The following EFCAB5 variants were observed in gnomAD, a reference collection of about 807,000 sequenced individuals.
EFCAB5 encodes the protein EF-hand calcium binding domain 5.
A neutral mutation model predicts 167.9 loss-of-function variants in EFCAB5; 131 were observed. The ratio of observed to expected loss-of-function variants is 0.78; its 90% confidence interval spans 0.68 to 0.90. EFCAB5 has a LOEUF of 0.90. Ranked by LOEUF, EFCAB5 falls within the 40% of genes least tolerant of loss-of-function variation. The pLI, the probability that EFCAB5 is intolerant of heterozygous loss-of-function variation, is 0.00. For synonymous variants in EFCAB5, 574 were observed against 602.8 expected (o/e 0.95, Z 0.70); for missense variants, 1,663 against 1,745.2 (o/e 0.95, Z 0.84).
intron 19 of EFCAB5, among the ~76,000 whole-genome samples, chr17:30,088,632 A>G (rs1187450094): frequency 6.6e-6 from 1 of 152,216 alleles, no homozygotes; most frequent in African/African-American, 2.4e-5. Flanking sequence ...TCACTTGTCA[A>G]ATGCAAGGAA....
In EFCAB5 at chr17:29,929,965, G is replaced by A. The variant is rs778750653; in HGVS notation, c.-127+636G>A. The A allele has an allele frequency of 3.1e-6, 5 of 1,603,756 alleles. No individual in the cohort carries two copies. The East Asian group carries it at 1.1e-4, about 36-fold the overall frequency. On this transcript the variant is annotated intron_variant, in intron 1 of 3. Transcript: ENST00000448319. Reference sequence around the variant, plus strand: ...AGGCGCAGGGGCTGGAGGTGGTGCTGGGGGTAGGTGACCGCTGGACCGTGA... The same window carrying A: ...AGGCGCAGGGGCTGGAGGTGGTGCTAGGGGTAGGTGACCGCTGGACCGTGA...
At chr17:30,100,746 G>A (rs1366505347) in intron 22 of EFCAB5, among the ~76,000 whole-genome samples, 1 of 148,694 alleles carries the variant, frequency 6.7e-6, no homozygotes, top group Non-Finnish European at 1.5e-5. Context: ...CAACCTAGGC[G>A]ACAGAGTGAG....
chr17:30,084,605 G>A (rs1475848690), intron 18 of EFCAB5, among the ~76,000 whole-genome samples: 2 of 152,242 alleles, frequency 1.3e-5, no homozygotes, highest in South Asian at 2.1e-4. Context: ...TCATGGTGGG[G>A]CAGAGACCAG....
At chr17:30,029,334 T>A (rs982789995) in intron 7 of EFCAB5, among the ~76,000 whole-genome samples, 1 of 152,220 alleles carries the variant, frequency 6.6e-6, no homozygotes, top group South Asian at 2.1e-4. Context: ...AGAACACTTA[T>A]ATTAGCCTAC....
In EFCAB5 at chr17:30,034,314, C is replaced by T. The variant is rs370396201; in HGVS notation, c.1129C>T (p.Arg377Trp). Residue 377 changes from arginine (R) to tryptophan (W), a missense_variant, in exon 8 of 23, where the codon CGG becomes TGG. Physicochemically the swap from Arg to Trp is moderately radical, Grantham distance 101. Transcript: ENST00000394835. Reference sequence around the variant, plus strand: ...CCTTTGCCACTCTGCAGATGAATTTCGGGAGGTCATAAAAGCTGACATGCG... The same window carrying T: ...CCTTTGCCACTCTGCAGATGAATTTTGGGAGGTCATAAAAGCTGACATGCG... Reference protein sequence around the residue: ...KHLCHSADEFREVIKADMRRQ... With the variant: ...KHLCHSADEFWEVIKADMRRQ... The T allele has an allele frequency of 6.8e-6, 11 of 1,613,702 alleles. No individual in the cohort carries two copies. Among genetic ancestry groups the T allele is most frequent in the African/African-American group, 6.7e-5 (5 of 74,924 alleles).
chr17:30,064,980 A>G (rs1040189209), intron 14 of EFCAB5, among the ~76,000 whole-genome samples: 3 of 152,254 alleles, frequency 2.0e-5, no homozygotes, highest in African/African-American at 7.2e-5. Flanking sequence ...TCCTTCAGAA[A>G]TGAGAGAACA....
At position 30,055,930 on chromosome 17, in the gene EFCAB5, C is replaced by T; in HGVS notation, c.2237C>T (p.Pro746Leu). 6.2e-7 allele frequency: 1 copy of T among 1,613,514 alleles called. No homozygotes were observed. The highest frequency in any genetic ancestry group is 8.5e-7 in the Non-Finnish European group (1 of 1,179,730). Residue 746 changes from proline (P) to leucine (L), a missense_variant, in exon 11 of 23, where the codon CCC becomes CTC. Pro to Leu is a moderately conservative substitution (Grantham distance 98). Coordinates refer to ENST00000394835, the MANE Select transcript of EFCAB5 (RefSeq NM_198529.4). ...KEVQKDKPCE[P>L]KSQKIEGKSW... ...GTTCAGAAAGACAAGCCCTGTGAAC[C>T]CAAGTCCCAAAAAATAGAAGGAAAG...
At chr17:29,940,675 G>T (rs993434971), upstream of EFCAB5, among the ~76,000 whole-genome samples, 3 of 152,112 alleles carry the variant, frequency 2.0e-5, no homozygotes, top group Non-Finnish European at 4.4e-5. Flanking sequence ...ATTTTTAAAT[G>T]TTGGAAACTC....
chr17:30,105,804 G>A (rs2071442076), intron 22 of EFCAB5, among the ~76,000 whole-genome samples: 1 of 152,068 alleles, frequency 6.6e-6, no homozygotes, highest in African/African-American at 2.4e-5. Flanking sequence ...ACAATGCCAG[G>A]GTGGTGTGTG....
intron 14 of EFCAB5, chr17:30,074,733 T>C (rs2070834193): frequency 2.0e-5 from 3 of 152,200 alleles, no homozygotes; most frequent in Admixed American, 2.0e-4. Flanking sequence ...AAACTGCCAA[T>C]TTTCTGCATC....
At chr17:30,101,972 A>C (rs895802077) in intron 22 of EFCAB5, among the ~76,000 whole-genome samples, 1 of 152,234 alleles carries the variant, frequency 6.6e-6, no homozygotes, top group African/African-American at 2.4e-5. Flanking sequence ...TGACTTGTCC[A>C]GTTAGCATCC....
intron 8 of EFCAB5, among the ~76,000 whole-genome samples, chr17:30,043,450 G>A (rs547845666): frequency 1.7e-4 from 26 of 152,022 alleles, no homozygotes; most frequent in Admixed American, 8.5e-4. Flanking sequence ...CAGACTACAT[G>A]ATCTTCTGTG....
chr17:29,935,105 A>G (rs1380865506), intron 1 of EFCAB5, among the ~76,000 whole-genome samples: 1 of 152,212 alleles, frequency 6.6e-6, no homozygotes, highest in Non-Finnish European at 1.5e-5. Context: ...GCATAATTAT[A>G]AGTATAAATT....
intron 22 of EFCAB5, among the ~76,000 whole-genome samples, chr17:30,094,524 A>AT (rs999792386): frequency 1.1e-4 from 17 of 150,622 alleles, no homozygotes; most frequent in Non-Finnish European, 2.5e-4. Context: ...AAAAAAAAAA[A>AT]AAAAAAAAAA....
chr17:29,994,163 T>C (rs942733309), intron 5 of EFCAB5, among the ~76,000 whole-genome samples: 19 of 135,934 alleles, frequency 1.4e-4, no homozygotes, highest in Admixed American at 8.1e-4. Flanking sequence ...TATATATATA[T>C]ATATATATAT....
chr17:30,032,108 T>C (rs984611748), intron 7 of EFCAB5, among the ~76,000 whole-genome samples: 1 of 152,164 alleles, frequency 6.6e-6, no homozygotes, highest in African/African-American at 2.4e-5. Context: ...AACAAATTAC[T>C]AAAGTGGAAC....
chr17:30,094,022 G>A (rs2071248441), intron 22 of EFCAB5, among the ~76,000 whole-genome samples: 1 of 152,140 alleles, frequency 6.6e-6, no homozygotes, highest in Non-Finnish European at 1.5e-5. Flanking sequence ...CCTACTCCAC[G>A]AATCTACCCA....
At chr17:30,081,292 T>A (rs1597782694) in intron 17 of EFCAB5, among the ~76,000 whole-genome samples, 1 of 152,334 alleles carries the variant, frequency 6.6e-6, no homozygotes, top group Middle Eastern at 3.4e-3. Context: ...AAAGCGGGAA[T>A]GAACTTTTAG....
chr17:29,972,107 G>A (rs1345198015), intron 4 of EFCAB5, among the ~76,000 whole-genome samples: 2 of 151,298 alleles, frequency 1.3e-5, no homozygotes, highest in African/African-American at 2.4e-5. Context: ...GCGTGATCTC[G>A]GCTCACTGCA....
Sources: allele counts gnomAD v4.1 joint callset (sites outside exome capture counted in the v4.1 genomes callset), GRCh38; gene constraint gnomAD v4.1.1; transcripts MANE v1.5; gene names NCBI Gene and HGNC (gene_info 2026-07-23, HGNC 2026-07-21).